GNAL: variants seen among roughly 807,000 people sequenced by gnomAD.
GNAL encodes G protein subunit alpha L.
GNAL carries 18 observed loss-of-function variants against 55.1 expected under a neutral mutation model. The observed-to-expected ratio is 0.33, with a 90% CI of 0.23 to 0.48. GNAL has a LOEUF of 0.48. Ranked by LOEUF, GNAL falls within the 20% of genes least tolerant of loss-of-function variation. GNAL has a pLI of 0.99. For synonymous variants in GNAL, 253 were observed against 237.0 expected (o/e 1.07, Z -0.62); for missense variants, 412 against 614.1 (o/e 0.67, Z 3.48).
At chr18:11,737,547 T>C (rs2032486319) in intron 1 of GNAL, among the ~76,000 whole-genome samples, 1 of 152,044 alleles carries the variant, frequency 6.6e-6, no homozygotes, top group South Asian at 2.1e-4. Context: ...TCCTGCCCAC[T>C]CTCCCCATCT....
intron 4 of GNAL, among the ~76,000 whole-genome samples, chr18:11,812,066 T>C (rs2034831260): frequency 6.6e-6 from 1 of 152,210 alleles, no homozygotes; most frequent in Admixed American, 6.5e-5. Flanking sequence ...GAGAGAATCT[T>C]AGGTCTATGA....
chr18:11,794,894 G>A (rs2034337953), intron 4 of GNAL, among the ~76,000 whole-genome samples: 1 of 152,028 alleles, frequency 6.6e-6, no homozygotes, highest in Admixed American at 6.5e-5. Flanking sequence ...CCAGGCTGGA[G>A]TGCAGTGGCG....
chr18:11,790,225 G>T (rs989132993), intron 4 of GNAL, among the ~76,000 whole-genome samples: 1 of 152,172 alleles, frequency 6.6e-6, no homozygotes, highest in Non-Finnish European at 1.5e-5. Flanking sequence ...GGCAGGGGGT[G>T]TTCAGAGCCC....
rs752199100 is a variant in GNAL at position 11,753,853 on chromosome 18, A to G, written c.532A>G (p.Ile178Val). Reference protein sequence around the residue: ...VTIVSAMSTIIPPVPLANPEN... With the variant: ...VTIVSAMSTIVPPVPLANPEN... ...AATTGTTTCAGCAATGAGTACTATA[A>G]TACCTCCAGTTCCGCTGGCCAACCC... is the stretch of plus-strand genomic sequence containing the variant. Residue 178 changes from isoleucine to valine, a missense_variant, in exon 4 of 12, where the codon ATA becomes GTA. Ile to Val is a conservative substitution (Grantham distance 29, BLOSUM62 3). This residue lies in a region of GNAL where 47 missense variants were observed against 82.7 expected (regional missense o/e 0.57). Coordinates refer to ENST00000334049, the MANE Select transcript of GNAL (RefSeq NM_182978.4). 2.5e-6 allele frequency: 4 copies of G among 1,609,396 alleles called. No individual in the cohort carries two copies. Among genetic ancestry groups the G allele is most frequent in the Admixed American group, 3.3e-5 (2 of 60,022 alleles).
intron 5 of GNAL, among the ~76,000 whole-genome samples, chr18:11,827,594 C>T (rs2035279240): frequency 6.6e-6 from 1 of 151,934 alleles, no homozygotes; most frequent in Non-Finnish European, 1.5e-5. Context: ...GCCTGAGTGA[C>T]AGAGCAAGGC....
At position 11,689,892 on chromosome 18, in the gene GNAL, G is replaced by C; in HGVS notation, c.329G>C (p.Arg110Pro). The C allele has an allele frequency of 6.7e-7, 1 of 1,481,592 alleles. No individual in the cohort carries two copies. Among genetic ancestry groups the C allele is most frequent in the Non-Finnish European group, 9.0e-7 (1 of 1,115,896 alleles). 91.8% of individuals were successfully genotyped at this position (1,481,592 alleles called of 1,614,324 possible). Residue 110 changes from arginine to proline, a missense_variant, in exon 1 of 12, where the codon CGC (arginine) becomes CCC (proline). Physicochemically the swap from Arg to Pro is moderately radical, Grantham distance 103. This residue lies in a region of GNAL where 228 missense variants were observed against 194.8 expected (regional missense o/e 1.17). Coordinates refer to ENST00000334049, the MANE Select transcript of GNAL (RefSeq NM_182978.4). ...AGCCGGGGCATCGACCGCATGCTGC[G>C]CGACCAGAAGCGCGACCTGCAGCAG... The part of the protein sequence containing the change: ...KVSRGIDRML[R>P]DQKRDLQQTH...
In GNAL at chr18:11,851,431, G is replaced by T. The variant is rs372891070; in HGVS notation, c.723-10964G>T. 44 of 1,432,070 alleles carry T rather than the reference G, an allele frequency of 3.1e-5. 2 individuals are homozygous for T. Among genetic ancestry groups the T allele is most frequent in the South Asian group, 2.6e-4 (17 of 66,390 alleles). 88.7% of individuals were successfully genotyped at this position (1,432,070 alleles called of 1,614,324 possible). ...GTGGGACCAAAACAAAGGAGCGGCG[G>T]CCGGGAGCGGACTTACCTTACCTTC... On this transcript the variant is annotated intron_variant, in intron 5 of 11. Coordinates refer to ENST00000334049, the MANE Select transcript of GNAL (RefSeq NM_182978.4).
At chr18:11,758,355 G>T (rs569509635) in intron 4 of GNAL, among the ~76,000 whole-genome samples, 1 of 152,254 alleles carries the variant, frequency 6.6e-6, no homozygotes, top group African/African-American at 2.4e-5. Flanking sequence ...CCATAAACTG[G>T]TATTGTTCAG....
intron 4 of GNAL, among the ~76,000 whole-genome samples, chr18:11,755,869 C>G (rs1453051832): frequency 6.6e-6 from 1 of 152,182 alleles, no homozygotes; most frequent in African/African-American, 2.4e-5. Flanking sequence ...CTCACTGATG[C>G]TATGTACACT....
At chr18:11,849,487 G>A (rs2035806772) in intron 5 of GNAL, among the ~76,000 whole-genome samples, 1 of 129,790 alleles carries the variant, frequency 7.7e-6, no homozygotes, top group Non-Finnish European at 1.6e-5. Flanking sequence ...GAGTGACAAA[G>A]CAAGATTTCA....
intron 5 of GNAL, chr18:11,853,391 T>G (rs1436807825): frequency 6.0e-6 from 1 of 167,150 alleles, no homozygotes; most frequent in Admixed American, 6.5e-5. Context: ...TATCCACCGC[T>G]TTCTCATAGC....
intron 4 of GNAL, among the ~76,000 whole-genome samples, chr18:11,823,332 G>A (rs1200709936): frequency 6.6e-6 from 1 of 152,202 alleles, no homozygotes; most frequent in Non-Finnish European, 1.5e-5. Flanking sequence ...TTCAGGGGGA[G>A]AATGTCTCTT....
At chr18:11,718,748 T>C (rs544814711) in intron 1 of GNAL, among the ~76,000 whole-genome samples, 80 of 152,322 alleles carry the variant, frequency 5.3e-4, no homozygotes, top group African/African-American at 1.8e-3. Flanking sequence ...AAACCAGTTC[T>C]AAATGAGAGA....
At chr18:11,763,928 A>G (rs1450859748) in intron 4 of GNAL, among the ~76,000 whole-genome samples, 1 of 152,034 alleles carries the variant, frequency 6.6e-6, no homozygotes, top group Admixed American at 6.6e-5. Context: ...GAGGTTTTGT[A>G]TTTGGAGCAA....
In GNAL at chr18:11,868,145, C is replaced by A. The variant is rs905827156; in HGVS notation, c.911-398C>A. Among the ~76,000 whole-genome samples, 1 of 150,518 alleles carries A rather than the reference C, an allele frequency of 6.6e-6. No individual in the cohort carries two copies. The highest frequency in any genetic ancestry group is 2.4e-5 in the African/African-American group (1 of 40,838). On this transcript the variant is annotated intron_variant, in intron 8 of 11. Coordinates refer to ENST00000334049, the MANE Select transcript of GNAL (RefSeq NM_182978.4). This position sits in a 1 kb window ranked among gnomAD's most constrained non-coding sequence, Gnocchi z 4.0. Reference sequence around the variant, plus strand: ...TGTCTCGGAAGAAAATACAAAAATACAAAAATTAGCCAGGTGTGGTGACAC... The same window carrying A: ...TGTCTCGGAAGAAAATACAAAAATAAAAAAATTAGCCAGGTGTGGTGACAC...
In GNAL at chr18:11,751,909, G is replaced by A. The variant is rs2032850565; in HGVS notation, c.377-944G>A. Among the ~76,000 whole-genome samples the A allele has an allele frequency of 6.6e-6, 1 of 152,206 alleles. No homozygotes were observed. The highest frequency in any genetic ancestry group is 1.5e-5 in the Non-Finnish European group (1 of 68,024). On this transcript the variant is annotated intron_variant, in intron 1 of 11. Transcript: ENST00000334049. The surrounding 1 kb of genome is among the most constrained non-coding windows in gnomAD (Gnocchi z 4.5). ...GGAATAGCAGGGCGCGAGCCGGCCC[G>A]GCAGGTGCCCATCGTCGCCCTCTGG...
At chr18:11,767,709 G>A (rs1354723477) in intron 4 of GNAL, among the ~76,000 whole-genome samples, 7 of 152,060 alleles carry the variant, frequency 4.6e-5, no homozygotes, top group African/African-American at 7.2e-5. Context: ...GCACTTGCAC[G>A]CTTGCTGTCT....
intron 5 of GNAL, among the ~76,000 whole-genome samples, chr18:11,838,994 G>A (rs2035556169): frequency 6.6e-6 from 1 of 152,122 alleles, no homozygotes; most frequent in Non-Finnish European, 1.5e-5. Flanking sequence ...AATATGAGAT[G>A]TTATAGCATA....
intron 1 of GNAL, among the ~76,000 whole-genome samples, chr18:11,738,474 C>T (rs1181674961): frequency 6.6e-6 from 1 of 152,042 alleles, no homozygotes; most frequent in Non-Finnish European, 1.5e-5. Context: ...CCTTCATGAC[C>T]AGCTCACTGC....
Sources: gnomAD v4.1 joint callset for allele counts (sites outside exome capture counted in the v4.1 genomes callset) on GRCh38, gnomAD v4.1.1 for gene constraint, gnomAD v4.1.1 regional missense constraint, Gnocchi (gnomAD v3.1) non-coding constraint, MANE v1.5 for transcripts, NCBI Gene and HGNC (gene_info 2026-07-23, HGNC 2026-07-21) for gene names.